IGF2R: variants seen among roughly 807,000 people sequenced by gnomAD.
IGF2R encodes the protein insulin like growth factor 2 receptor, also known as cation-independent mannose-6-phosphate receptor.
Under a neutral mutation model 270.6 loss-of-function variants are expected in IGF2R, and 91 were observed. The ratio of observed to expected loss-of-function variants is 0.34; its 90% CI spans 0.28 to 0.40. The LOEUF is 0.40. IGF2R is among the 10% of genes least tolerant of loss of function. IGF2R has a pLI of 1.00. For synonymous variants in IGF2R, 1,316 were observed against 1,258.9 expected, an observed-to-expected ratio of 1.05 and a Z score of -0.96; for missense variants, 2,805 against 3,188.3, an observed-to-expected ratio of 0.88 and a Z score of 2.90.
chr6:160,057,901 G>A, intron 20 of IGF2R, 122 bp from the exon 21 acceptor site: 2 of 641,398 alleles, frequency 3.1e-6, no homozygotes, highest in Non-Finnish European at 2.9e-6. Flanking sequence ...GATTTTGAAA[G>A]TAAATGGAGA....
At chr6:160,013,582 A>G (rs1431107306) in intron 4 of IGF2R, among the ~76,000 whole-genome samples, 1 of 152,216 alleles carries the variant, frequency 6.6e-6, no homozygotes, top group Non-Finnish European at 1.5e-5. Context: ...TTACCTCTTC[A>G]GGTGTAATTG....
chr6:160,102,755 T>A lies in IGF2R; in HGVS notation c.6995+84T>A. On this transcript the variant is annotated intron_variant, in intron 46 of 47. Transcript: ENST00000356956. The surrounding 1 kb of genome is among the most constrained non-coding windows in gnomAD (Gnocchi z 4.5). ...TGGGGTCAGTTTTGTGGGGTTTTAT[T>A]TATTTGTTTTTAAGCCCTACAGCAG... 4.2e-6 allele frequency: 6 copies of A among 1,432,682 alleles called. No homozygotes were observed. Among genetic ancestry groups the A allele is most frequent in the Non-Finnish European group, 5.6e-6 (6 of 1,063,626 alleles). 88.7% of individuals were successfully genotyped at this position (1,432,682 alleles called of 1,614,324 possible). A position where few individuals can be genotyped will look rare whatever the true frequency, so the allele number is the denominator to read the frequency against.
At chr6:160,091,984 C>G (rs563077467) in intron 44 of IGF2R, among the ~76,000 whole-genome samples, 1 of 152,380 alleles carries the variant, frequency 6.6e-6, no homozygotes, top group Admixed American at 6.5e-5. Context: ...ACATATGCTG[C>G]TCTTGGTGCT....
At chr6:160,061,271 A>G in intron 23 of IGF2R, among the ~76,000 whole-genome samples, 1 of 152,148 alleles carries the variant, frequency 6.6e-6, no homozygotes, top group Non-Finnish European at 1.5e-5. Context: ...TCAGCCTCCA[A>G]AGTAGCTGAC....
chr6:160,019,060 G>C (rs1048729050), intron 4 of IGF2R, among the ~76,000 whole-genome samples: 1 of 151,938 alleles, frequency 6.6e-6, no homozygotes, highest in Admixed American at 6.6e-5. Flanking sequence ...ATAGACTGTT[G>C]GTCAGATTAA....
intron 1 of IGF2R, among the ~76,000 whole-genome samples, chr6:159,988,086 C>T (rs372847752): frequency 2.6e-5 from 4 of 152,172 alleles, no homozygotes; most frequent in Admixed American, 6.5e-5. Flanking sequence ...TTCTTTCTAG[C>T]AACCCTGATT....
At chr6:160,025,925 T>C (rs1273734607) in intron 5 of IGF2R, among the ~76,000 whole-genome samples, 1 of 152,214 alleles carries the variant, frequency 6.6e-6, no homozygotes, top group African/African-American at 2.4e-5. Context: ...TCTTACAAGT[T>C]TTTTCTTTCC....
chr6:160,101,607 G>A (rs945139675), intron 45 of IGF2R, among the ~76,000 whole-genome samples: 15 of 152,356 alleles, frequency 9.8e-5, no homozygotes, highest in Middle Eastern at 3.4e-3. Flanking sequence ...CACAAGATGC[G>A]CCCCGCTGGG....
At chr6:160,045,630 A>G (rs1778051615) in intron 13 of IGF2R, 115 bp from the exon 14 acceptor site, 13 of 1,296,620 alleles carry the variant, frequency 1.0e-5, no homozygotes, top group Admixed American at 6.8e-5. Context: ...CCTTCTATGC[A>G]TTATACCTCA....
chr6:159,992,079 A>G (rs950237683), intron 2 of IGF2R, among the ~76,000 whole-genome samples: 2 of 152,196 alleles, frequency 1.3e-5, no homozygotes, highest in East Asian at 1.9e-4. Flanking sequence ...CAGTTAGAAT[A>G]ATGAGGTTTG....
intron 39 of IGF2R, among the ~76,000 whole-genome samples, chr6:160,081,076 A>T (rs1778971101): frequency 1.3e-5 from 2 of 151,454 alleles, no homozygotes; most frequent in Admixed American, 1.3e-4. Flanking sequence ...CAGTGAGCCG[A>T]GATCATGCCA....
chr6:159,979,962 C>T (rs1366046306), intron 1 of IGF2R, among the ~76,000 whole-genome samples: 2 of 152,118 alleles, frequency 1.3e-5, no homozygotes, highest in Non-Finnish European at 1.5e-5. Flanking sequence ...GAGGCCGAGG[C>T]GGGTGGATCA....
intron 39 of IGF2R, among the ~76,000 whole-genome samples, chr6:160,083,043 C>T (rs1779020168): frequency 6.6e-6 from 1 of 152,212 alleles, no homozygotes; most frequent in South Asian, 2.1e-4. Context: ...GCACTCAGCA[C>T]ACCAAGGACC....
At chr6:160,071,256 C>CCAGACCCAGGAGGCTGGG (rs1778727144) in intron 31 of IGF2R, among the ~76,000 whole-genome samples, 2 of 134,668 alleles carry the variant, frequency 1.5e-5, no homozygotes, top group Admixed American at 1.4e-4. Context: ...CCCCTGTGCC[C>CCAGACCCAGGAGGCTGGG]AGGGCCCAGG....
chr6:160,074,507 A>G (rs1217142019), intron 35 of IGF2R, among the ~76,000 whole-genome samples: 1 of 152,252 alleles, frequency 6.6e-6, no homozygotes, highest in Non-Finnish European at 1.5e-5. Context: ...GGCTGGCCTC[A>G]GGCTCCTGGC....
At chr6:160,079,103 CTGCCTGG>C (rs1778919372) in intron 37 of IGF2R, among the ~76,000 whole-genome samples, 1 of 152,196 alleles carries the variant, frequency 6.6e-6, no homozygotes, top group Non-Finnish European at 1.5e-5. Context: ...ATGGAGCCCT[CTGCCTGG>C]GTACAGGTCC....
chr6:160,095,777 T>C (rs1019455182), intron 44 of IGF2R: 3 of 152,668 alleles, frequency 2.0e-5, no homozygotes, highest in African/African-American at 7.2e-5. Context: ...TTCATTCACA[T>C]ATCTGCCGTT....
intron 6 of IGF2R, among the ~76,000 whole-genome samples, chr6:160,027,766 G>A (rs1215291546): frequency 1.3e-5 from 2 of 152,222 alleles, no homozygotes; most frequent in African/African-American, 4.8e-5. Context: ...CTTATAATGT[G>A]TTGTGCCGTG....
At chr6:160,042,267 A>G (rs1381059223) in intron 11 of IGF2R, among the ~76,000 whole-genome samples, 1 of 152,180 alleles carries the variant, frequency 6.6e-6, no homozygotes, top group Non-Finnish European at 1.5e-5. Context: ...CCTTGTTCAC[A>G]TGCACAGTCT....
Sources: gnomAD v4.1 joint callset for allele counts (sites outside exome capture counted in the v4.1 genomes callset) on GRCh38, gnomAD v4.1.1 for gene constraint, Gnocchi (gnomAD v3.1) non-coding constraint, MANE v1.5 for transcripts, NCBI Gene and HGNC (gene_info 2026-07-23, HGNC 2026-07-21) for gene names.